Variants in PTPRN2 observed in about 807,000 individuals in gnomAD.
PTPRN2 encodes receptor-type tyrosine-protein phosphatase N2.
PTPRN2 carries 74 observed loss-of-function variants against 118.8 expected under a neutral mutation model. That is an observed-to-expected ratio of 0.62 (90% confidence interval 0.52 to 0.76). The LOEUF is 0.76. PTPRN2 is among the 30% of genes least tolerant of loss of function. The pLI is 0.00. For synonymous variants in PTPRN2, 641 were observed against 608.0 expected, an observed-to-expected ratio of 1.05 and a Z score of -0.80; for missense variants, 1,481 against 1,394.4, an observed-to-expected ratio of 1.06 and a Z score of -0.99.
At chr7:158,374,080 C>T (rs900442125) in intron 2 of PTPRN2, among the ~76,000 whole-genome samples, 1 of 152,216 alleles carries the variant, frequency 6.6e-6, no homozygotes, top group African/African-American at 2.4e-5. Flanking sequence ...GCTCAGGCAG[C>T]GGGCCCTTCT....
intron 12 of PTPRN2, among the ~76,000 whole-genome samples, chr7:157,790,265 GTGT>G (rs1482401645): frequency 6.7e-6 from 1 of 148,578 alleles, no homozygotes; most frequent in Admixed American, 6.7e-5. Context: ...TGTGTGTGTG[GTGT>G]TTGTGTGGTG....
chr7:157,686,315 T>G (rs1162171691), intron 12 of PTPRN2, among the ~76,000 whole-genome samples: 2 of 152,226 alleles, frequency 1.3e-5, no homozygotes, highest in East Asian at 3.8e-4. Context: ...AACTGTTGGC[T>G]GCAAGTCAGG....
intron 2 of PTPRN2, among the ~76,000 whole-genome samples, chr7:158,321,803 G>A (rs10262596): frequency 0.4 from 61,091 of 152,004 alleles, 12,469 homozygotes; most frequent in Middle Eastern, 0.48. Context: ...ATATGTGTAC[G>A]TGTCAATCCT....
rs1563244686 is a variant in PTPRN2, at chr7:157,595,241, C to A, written c.2493G>T (p.Trp831Cys). 6.2e-7 allele frequency: 1 copy of A among 1,614,148 alleles called. No individual in the cohort carries two copies. Residue 831 changes from tryptophan to cysteine, a missense_variant, in exon 17 of 23, where the codon TGG (tryptophan) becomes TGT (cysteine). Coordinates refer to ENST00000389418, the MANE Select transcript of PTPRN2 (RefSeq NM_002847.5). ...GPLPATVADF[W>C]QMVWESGCVV... ...ATTTTAATTTAAAAATGTTCACCTG[C>A]CAAAAGTCAGCCACGGTGGCGGGCA...
At position 157,761,334 on chromosome 7, in the gene PTPRN2, A is replaced by T. The variant is rs1802114107; in HGVS notation, c.1789-78397T>A. On this transcript the variant is annotated intron_variant, in intron 12 of 22. Transcript: ENST00000389418. Reference sequence around the variant, plus strand: ...AGAACAAAGCTGGAGGCATCACACTACCTGACTTCAAACTATACTACAAGG... The same window carrying T: ...AGAACAAAGCTGGAGGCATCACACTTCCTGACTTCAAACTATACTACAAGG... Among the ~76,000 whole-genome samples, 4 of 150,246 alleles carry T rather than the reference A, an allele frequency of 2.7e-5. No homozygotes were observed. In the South Asian group the frequency reaches 8.5e-4, roughly 32 times the overall value.
At chr7:158,183,416 G>A (rs910619356) in intron 5 of PTPRN2, among the ~76,000 whole-genome samples, 4 of 152,256 alleles carry the variant, frequency 2.6e-5, no homozygotes, top group South Asian at 4.2e-4. Flanking sequence ...TGGCTGCAGC[G>A]TGCTTCCCAC....
chr7:158,313,042 G>A (rs955796893), intron 3 of PTPRN2, among the ~76,000 whole-genome samples: 17 of 151,872 alleles, frequency 1.1e-4, no homozygotes, highest in Admixed American at 3.3e-4. Flanking sequence ...ACATGAGCAC[G>A]TGAATGTGTG....
intron 11 of PTPRN2, among the ~76,000 whole-genome samples, chr7:157,936,937 C>T (rs1185796568): frequency 6.6e-6 from 1 of 152,242 alleles, no homozygotes; most frequent in Non-Finnish European, 1.5e-5. Context: ...AACATAGCCT[C>T]TTTCTCATCT....
Position 157,664,987 on chromosome 7 carries a change from G to C in PTPRN2, c.2002-8436C>G, listed in dbSNP as rs544557658. Among the ~76,000 whole-genome samples, 13 of 152,330 alleles carry C rather than the reference G, an allele frequency of 8.5e-5. No individual in the cohort carries two copies. The East Asian group carries it at 2.5e-3, about 29-fold the overall frequency. ...CAGACGGTGAACACCCCAGAGTGAG[G>C]CCTGTGGGCCACACGAGCCTGCTGA... On this transcript the variant is annotated intron_variant, in intron 13 of 22. Transcript: ENST00000389418.
chr7:157,778,555 C>A (rs187464424), intron 12 of PTPRN2, among the ~76,000 whole-genome samples: 7 of 152,080 alleles, frequency 4.6e-5, no homozygotes, highest in Non-Finnish European at 1.0e-4. Flanking sequence ...GTGTTGGATG[C>A]CCACATACAT....
intron 1 of PTPRN2, among the ~76,000 whole-genome samples, chr7:158,513,386 A>C (rs1460141435): frequency 6.6e-6 from 1 of 152,226 alleles, no homozygotes; most frequent in Non-Finnish European, 1.5e-5. Context: ...GTATGGTAGA[A>C]TCCTGGATGA....
At chr7:158,561,059 G>A (rs936467049) in intron 1 of PTPRN2, among the ~76,000 whole-genome samples, 1 of 152,188 alleles carries the variant, frequency 6.6e-6, no homozygotes, top group African/African-American at 2.4e-5. Flanking sequence ...CCTGGGAATC[G>A]GGAGCCCTGT....
At chr7:158,045,673 G>A (rs1387970684) in intron 11 of PTPRN2, among the ~76,000 whole-genome samples, 2 of 152,230 alleles carry the variant, frequency 1.3e-5, no homozygotes, top group Non-Finnish European at 2.9e-5. Flanking sequence ...TGGCTAGCTA[G>A]TCAGTGAGAG....
intron 2 of PTPRN2, among the ~76,000 whole-genome samples, chr7:158,391,608 A>T (rs1811933551): frequency 6.6e-6 from 1 of 152,128 alleles, no homozygotes; most frequent in African/African-American, 2.4e-5. Flanking sequence ...TTTTCCCACC[A>T]GCACCCATGC....
intron 11 of PTPRN2, among the ~76,000 whole-genome samples, chr7:158,037,842 C>G (rs1808192780): frequency 6.6e-6 from 1 of 152,214 alleles, no homozygotes; most frequent in African/African-American, 2.4e-5. Flanking sequence ...TGCAATTCAC[C>G]TTGTCAGAAA....
intron 3 of PTPRN2, among the ~76,000 whole-genome samples, chr7:158,243,338 C>A (rs950333404): frequency 1.3e-5 from 2 of 152,246 alleles, no homozygotes; most frequent in Non-Finnish European, 2.9e-5. Context: ...CTGCTTCACA[C>A]TGGCACTTCT....
At chr7:158,387,995 CATCTCTATTTATACACACAT>C (rs1811635969) in intron 2 of PTPRN2, among the ~76,000 whole-genome samples, 1 of 152,168 alleles carries the variant, frequency 6.6e-6, no homozygotes, top group South Asian at 2.1e-4. Context: ...TATACACACA[CATCTCTATTTATACACACAT>C]ACAAACCCCC....
intron 2 of PTPRN2, among the ~76,000 whole-genome samples, chr7:158,349,755 G>T (rs1807780723): frequency 2.1e-5 from 2 of 93,764 alleles, no homozygotes; most frequent in Non-Finnish European, 4.2e-5. Context: ...TGAGGGCAGT[G>T]CTGAGGGTGG....
intron 2 of PTPRN2, among the ~76,000 whole-genome samples, chr7:158,366,199 T>C (rs1210354567): frequency 2.6e-5 from 3 of 116,708 alleles, no homozygotes; most frequent in African/African-American, 1.0e-4. Flanking sequence ...CGTGTGCAAA[T>C]GCACACACAC....
Sources: allele counts gnomAD v4.1 joint callset (sites outside exome capture counted in the v4.1 genomes callset), GRCh38; gene constraint gnomAD v4.1.1; transcripts MANE v1.5; gene names NCBI Gene and HGNC (gene_info 2026-07-23, HGNC 2026-07-21).